PXMP2: variants seen among roughly 807,000 people sequenced by gnomAD.
PXMP2 encodes the protein 22 kDa peroxisomal membrane protein.
Under a neutral mutation model 20.2 loss-of-function variants are expected in PXMP2, and 13 were observed. The observed-to-expected ratio is 0.64, with a 90% confidence interval of 0.42 to 1.02. The LOEUF is 1.02. Among genes scored for constraint, PXMP2 ranks in the 50% least tolerant of loss-of-function variants. The probability of loss-of-function intolerance (pLI) is 0.00; values close to 1 mark genes in which losing one functional copy is unlikely to be tolerated. For missense variants in PXMP2, 284 were observed against 251.8 expected (o/e 1.13, Z -0.87); for synonymous variants, 113 against 111.2 (o/e 1.02, Z -0.10).
chr12:132,698,417 C>G (rs779232335), intron 3 of PXMP2, among the ~76,000 whole-genome samples: 1 of 152,182 alleles, frequency 6.6e-6, no homozygotes, highest in Non-Finnish European at 1.5e-5. Context: ...CATGCCTTTC[C>G]TTACAGGAAG....
rs1349007624 is a variant in PXMP2 at position 132,693,661 on chromosome 12, CAGTT to C, written c.237-2215_237-2212del. The stretch of plus-strand genomic sequence containing the variant: ...CTTGCCAGTTAGTGAGCGCCCTTGC[CAGTT>C]AGTTAGTGAGCGCCCTTGCCAGTTA... On this transcript the variant is annotated intron_variant, in intron 2 of 4. Coordinates refer to ENST00000317479, the MANE Select transcript of PXMP2 (RefSeq NM_018663.3). Among the ~76,000 whole-genome samples the C allele has an allele frequency of 4.0e-4, 46 of 115,918 alleles. 1 individual carries two copies. The highest frequency in any genetic ancestry group is 5.9e-4 in the Non-Finnish European group (33 of 55,930). 76.0% of individuals were successfully genotyped at this position (115,918 alleles called of 152,430 possible).
rs769189907 is a variant in PXMP2, at chr12:132,701,228, A to G, written c.400-22A>G. The G allele has an allele frequency of 7.4e-6, 12 of 1,613,302 alleles. No homozygotes were observed. In the East Asian group the frequency reaches 2.7e-4, roughly 36 times the overall value. ...CTGATGGGCAGTGAGACTGTTCACC[A>G]CCCGCCTTCCCTCCTTTGCAGGGGA... On this transcript the variant is annotated intron_variant, in intron 3 of 4. Transcript: ENST00000317479.
intron 2 of PXMP2, among the ~76,000 whole-genome samples, chr12:132,693,767 T>G (rs2043388582): frequency 8.2e-6 from 1 of 121,500 alleles, no homozygotes; most frequent in Non-Finnish European, 1.8e-5. Context: ...GCCAGTTAGT[T>G]AGTGAGCGCC....
chr12:132,700,112 G>C (rs930763556), intron 3 of PXMP2, among the ~76,000 whole-genome samples: 2 of 151,114 alleles, frequency 1.3e-5, no homozygotes, highest in Non-Finnish European at 2.9e-5. Flanking sequence ...CACGATCTCG[G>C]CTCACCGCAA....
chr12:132,693,975 C>T (rs1258488453), intron 2 of PXMP2, among the ~76,000 whole-genome samples: 1 of 46,308 alleles, frequency 2.2e-5, no homozygotes, highest in Non-Finnish European at 5.3e-5. Context: ...CTCCCTTAGC[C>T]AGTTAGTGAG....
intron 2 of PXMP2, among the ~76,000 whole-genome samples, chr12:132,694,947 A>C (rs2043401965): frequency 1.4e-5 from 1 of 72,202 alleles, no homozygotes. Flanking sequence ...TTAGCCAGTT[A>C]GTTAGTGAGC....
chr12:132,704,513 C>T, intron 4 of PXMP2, 106 bp from the exon 5 acceptor site: 1 of 868,712 alleles, frequency 1.2e-6, no homozygotes, highest in Non-Finnish European at 1.7e-6. Context: ...GGTGGTTGGA[C>T]CAGCTGACCA....
intron 3 of PXMP2, among the ~76,000 whole-genome samples, chr12:132,700,748 G>A (rs576230675): frequency 4.3e-4 from 65 of 152,134 alleles, no homozygotes; most frequent in Non-Finnish European, 6.9e-4. Flanking sequence ...TTGTCTTGGC[G>A]GACGTCCAGA....
intron 2 of PXMP2, among the ~76,000 whole-genome samples, chr12:132,692,178 CAGTT>C (rs1361599400): frequency 2.1e-4 from 29 of 137,898 alleles, no homozygotes; most frequent in African/African-American, 4.4e-4. Context: ...CTCCCTTAGC[CAGTT>C]AGTTAGTGAG....
chr12:132,687,849 G>A, intron 1 of PXMP2, 57 bp downstream of exon 1: 2 of 1,111,004 alleles, frequency 1.8e-6, no homozygotes, highest in Non-Finnish European at 1.1e-6. Context: ...CCGCAGCGGC[G>A]CGGGGCCTGG....
chr12:132,699,363 AT>A (rs1004269322), intron 3 of PXMP2, among the ~76,000 whole-genome samples: 6 of 152,100 alleles, frequency 3.9e-5, no homozygotes, highest in African/African-American at 1.4e-4. Flanking sequence ...GTGAGCCGAC[AT>A]CACGCCACTG....
chr12:132,699,625 G>C (rs1202921350), intron 3 of PXMP2, among the ~76,000 whole-genome samples: 4 of 148,636 alleles, frequency 2.7e-5, no homozygotes, highest in African/African-American at 1.0e-4. Context: ...CCGCCCCCCA[G>C]GTTCAACGAT....
chr12:132,704,212 G>A (rs2043457921), intron 4 of PXMP2, among the ~76,000 whole-genome samples: 1 of 152,172 alleles, frequency 6.6e-6, no homozygotes, highest in South Asian at 2.1e-4. Context: ...GGATGGTGAT[G>A]GGTTAGAGGA....
At chr12:132,693,316 TA>T (rs1420464707) in intron 2 of PXMP2, among the ~76,000 whole-genome samples, 6 of 36,652 alleles carry the variant, frequency 1.6e-4, no homozygotes, top group African/African-American at 3.8e-4. Flanking sequence ...TGAGCGCCCT[TA>T]GCCAGTTAGT....
At chr12:132,693,824 T>G (rs868084988) in intron 2 of PXMP2, among the ~76,000 whole-genome samples, 41 of 65,382 alleles carry the variant, frequency 6.3e-4, no homozygotes, top group South Asian at 1.5e-3. Context: ...GTTAGTGAGC[T>G]CCCTTGCCAG....
At position 132,690,308 on chromosome 12, in the gene PXMP2, G is replaced by GA. The variant is rs765531283; in HGVS notation, c.170dup (p.Lys58GlufsTer8). The GA allele has an allele frequency of 6.2e-7, 1 of 1,614,044 alleles. No individual in the cohort carries two copies. The highest frequency in any genetic ancestry group is 8.5e-7 in the Non-Finnish European group (1 of 1,179,984). On this transcript the variant is annotated frameshift_variant, in exon 2 of 5. Transcript: ENST00000317479. LOFTEE classifies it high-confidence loss of function. The stretch of plus-strand genomic sequence containing the variant: ...GGAACTTCCTGGCCCAGATGATTGA[G>GA]AAGAAGCGGAAAAAAGAAAACTCTA...
intron 3 of PXMP2, among the ~76,000 whole-genome samples, chr12:132,698,228 T>G (rs886514581): frequency 2.0e-5 from 3 of 152,094 alleles, no homozygotes; most frequent in African/African-American, 7.2e-5. Context: ...GCCAGGTTGG[T>G]ATTGAACTCC....
Position 132,696,115 on chromosome 12 carries a change from G to C in PXMP2, c.399+69G>C. The C allele has an allele frequency of 6.9e-7, 1 of 1,455,702 alleles. No homozygotes were observed. Among genetic ancestry groups the C allele is most frequent in the Non-Finnish European group, 9.2e-7 (1 of 1,087,578 alleles). The allele number at this position is 1,455,702 out of a possible 1,614,324, so 90.2% of individuals were successfully genotyped here. A position where few individuals can be genotyped will look rare whatever the true frequency, so the allele number is the denominator to read the frequency against. On this transcript the variant is annotated intron_variant, in intron 3 of 4. Transcript: ENST00000317479. The surrounding 1 kb of genome is among the most constrained non-coding windows in gnomAD (Gnocchi z 4.4). The stretch of plus-strand genomic sequence containing the variant: ...CAGGGATTCTTCACCTGACATTCTC[G>C]GCAGAATTCAGAGGGTCTGCAGATT...
At chr12:132,698,516 C>G (rs1375300388) in intron 3 of PXMP2, among the ~76,000 whole-genome samples, 1 of 152,184 alleles carries the variant, frequency 6.6e-6, no homozygotes, top group Non-Finnish European at 1.5e-5. Flanking sequence ...GTTGATTTTT[C>G]CACTTACATA....
Sources: allele counts gnomAD v4.1 joint callset (sites outside exome capture counted in the v4.1 genomes callset), GRCh38; gene constraint gnomAD v4.1.1; non-coding constraint Gnocchi (gnomAD v3.1); transcripts MANE v1.5; gene names NCBI Gene and HGNC (gene_info 2026-07-23, HGNC 2026-07-21).